Variants in CD59 observed in about 807,000 individuals in gnomAD.
CD59 encodes CD59 glycoprotein.
In CD59, 3 loss-of-function variants were observed where a neutral mutation model predicts 7.0. That is an observed-to-expected ratio of 0.43 (90% CI 0.19 to 1.10). The LOEUF (loss-of-function observed/expected upper bound fraction) is 1.10. Among genes scored for constraint, CD59 ranks in the 50% least tolerant of loss-of-function variants. The pLI is 0.29. For synonymous variants in CD59, 60 were observed against 62.0 expected (o/e 0.97, Z 0.15); for missense variants, 143 against 151.0 (o/e 0.95, Z 0.28).
chr11:33,720,678 G>C (rs946698298), intron 2 of CD59, among the ~76,000 whole-genome samples: 1 of 152,220 alleles, frequency 6.6e-6, no homozygotes, highest in Non-Finnish European at 1.5e-5. Flanking sequence ...GCAGTGAGCC[G>C]AGATCGCGCC....
rs1371361706 is a variant in CD59 at position 33,709,681 on chromosome 11, C to T, written c.*445G>A. 3.9e-6 allele frequency: 1 copy of T among 258,756 alleles called. No homozygotes were observed. The highest frequency in any genetic ancestry group is 5.0e-5 in the Admixed American group (1 of 19,806). 16.0% of individuals were successfully genotyped at this position (258,756 alleles called of 1,614,324 possible). A position where few individuals can be genotyped will look rare whatever the true frequency, so the allele number is the denominator to read the frequency against. ...AACATTTGGCATGCCTCCATGGCAA[C>T]ACGGGATCCCTGAAGTTTATGAAAG... On this transcript the variant is annotated 3_prime_UTR_variant, in exon 4 of 4. Transcript: ENST00000642928.
At chr11:33,714,382 C>A (rs1853693735) in intron 3 of CD59, among the ~76,000 whole-genome samples, 1 of 152,090 alleles carries the variant, frequency 6.6e-6, no homozygotes, top group South Asian at 2.1e-4. Context: ...AAAAATATGA[C>A]ACAAAAGATT....
intron 2 of CD59, among the ~76,000 whole-genome samples, chr11:33,721,660 C>T (rs1854068627): frequency 6.6e-6 from 1 of 152,150 alleles, no homozygotes; most frequent in Non-Finnish European, 1.5e-5. Flanking sequence ...CTCCAGCAAC[C>T]AGGGGAGGGG....
rs560607574 is a variant in CD59, at chr11:33,708,600, CAAA to C, written c.*1523_*1525del. 7 of 78,818 alleles carry C rather than the reference CAAA, an allele frequency of 8.9e-5. No individual in the cohort carries two copies. Among genetic ancestry groups the C allele is most frequent in the Admixed American group, 1.4e-4 (1 of 7,064 alleles). The allele number at this position is 78,818 out of a possible 1,614,324, so 4.9% of individuals were successfully genotyped here. A position where few individuals can be genotyped will look rare whatever the true frequency, so the allele number is the denominator to read the frequency against. On this transcript the variant is annotated 3_prime_UTR_variant, in exon 4 of 4. Coordinates refer to ENST00000642928, the MANE Select transcript of CD59 (RefSeq NM_000611.6). ...GGGCATGGTCAGTACTTCCTCAGGC[CAAA>C]AAAAAAAAAAAAAACCTATTGATGT... is the stretch of plus-strand genomic sequence containing the variant.
intron 3 of CD59, among the ~76,000 whole-genome samples, chr11:33,712,402 G>A (rs1853598519): frequency 6.6e-6 from 1 of 152,186 alleles, no homozygotes; most frequent in South Asian, 2.1e-4. Context: ...ACTGGTGAAT[G>A]GATAAACAAA....
At position 33,735,781 on chromosome 11, in the gene CD59, T is replaced by G. The variant is rs758192105; in HGVS notation, c.-19+601A>C. The stretch of plus-strand genomic sequence containing the variant: ...AAATACAAAATTTAGCCAGGCATGG[T>G]GGCGCATGCCTGTAATCCCAGCTAC... On this transcript the variant is annotated intron_variant, in intron 1 of 3. Coordinates refer to ENST00000642928, the MANE Select transcript of CD59 (RefSeq NM_000611.6). Among the ~76,000 whole-genome samples, 147 of 151,912 alleles carry G rather than the reference T, an allele frequency of 9.7e-4. 1 individual carries two copies. Among genetic ancestry groups the G allele is most frequent in the Non-Finnish European group, 1.6e-3 (106 of 67,976 alleles).
intron 3 of CD59, chr11:33,711,562 AG>A: frequency 1.7e-6 from 1 of 594,304 alleles, no homozygotes; most frequent in South Asian, 2.0e-5. Context: ...CTTTAGTCTT[AG>A]CTACTTGGGA....
intron 1 of CD59, among the ~76,000 whole-genome samples, chr11:33,735,662 A>C (rs1854546598): frequency 1.3e-5 from 2 of 152,312 alleles, no homozygotes; most frequent in South Asian, 4.1e-4. Flanking sequence ...TCACACCTGT[A>C]ATCCCAACAC....
At position 33,710,264 on chromosome 11, in the gene CD59, C is replaced by T; in HGVS notation, c.249G>A (p.Glu83=). The T allele has an allele frequency of 6.2e-7, 1 of 1,614,190 alleles. No individual in the cohort carries two copies. Among genetic ancestry groups the T allele is most frequent in the Non-Finnish European group, 8.5e-7 (1 of 1,180,016 alleles). The stretch of plus-strand genomic sequence containing the variant: ...CCTTCTTGCAGCAGTAGTACGTTAG[C>T]TCATTTTCCCTCAAGCGGGTTGTGA... ...NDVTTRLREN[E]LTYYCCKKDL... The change falls in exon 4 of 4, where the codon GAG becomes GAA. Residue 83 remains glutamate, a synonymous_variant. Transcript: ENST00000642928.
intron 1 of CD59, among the ~76,000 whole-genome samples, chr11:33,734,492 G>GC (rs752859175): frequency 2.8e-4 from 42 of 152,134 alleles, no homozygotes; most frequent in Non-Finnish European, 5.4e-4. Flanking sequence ...GCCGACAGGC[G>GC]CCAGTGTGTG....
At chr11:33,723,312 T>C (rs1428037610) in intron 1 of CD59, among the ~76,000 whole-genome samples, 1 of 152,164 alleles carries the variant, frequency 6.6e-6, no homozygotes, top group African/African-American at 2.4e-5. Flanking sequence ...GGGTGAGTCA[T>C]CTACCCTCCC....
At chr11:33,735,870 C>G (rs4142962) in intron 1 of CD59, among the ~76,000 whole-genome samples, 2 of 151,438 alleles carry the variant, frequency 1.3e-5, no homozygotes, top group Admixed American at 1.3e-4. Context: ...GAACCCAGAT[C>G]GCGCCACTGC....
chr11:33,716,530 C>T (rs185355111), intron 3 of CD59, among the ~76,000 whole-genome samples: 53 of 152,310 alleles, frequency 3.5e-4, no homozygotes, highest in African/African-American at 1.2e-3. Context: ...TGCCATTCCT[C>T]GCTGGCATCA....
intron 1 of CD59, among the ~76,000 whole-genome samples, chr11:33,729,311 G>A (rs1455207463): frequency 6.6e-6 from 1 of 152,156 alleles, no homozygotes; most frequent in East Asian, 1.9e-4. Context: ...ATACACCATG[G>A]AATACTATGA....
chr11:33,711,445 A>G (rs1025340712), intron 3 of CD59: 3 of 699,120 alleles, frequency 4.3e-6, no homozygotes, highest in East Asian at 5.4e-5. Flanking sequence ...CCAGCACTTT[A>G]GGAGGCTGAA....
intron 2 of CD59, among the ~76,000 whole-genome samples, chr11:33,720,985 G>T (rs1036201488): frequency 3.9e-5 from 6 of 152,200 alleles, no homozygotes; most frequent in Admixed American, 6.5e-5. Context: ...CAGAGAAGCT[G>T]ATGGTCCCAA....
At chr11:33,712,418 A>G (rs147782722) in intron 3 of CD59, among the ~76,000 whole-genome samples, 5 of 152,366 alleles carry the variant, frequency 3.3e-5, no homozygotes, top group African/African-American at 1.2e-4. Context: ...ACAAAATGTG[A>G]TATATCCACA....
chr11:33,724,978 T>C (rs1253662422), intron 1 of CD59, among the ~76,000 whole-genome samples: 1 of 151,940 alleles, frequency 6.6e-6, no homozygotes, highest in Non-Finnish European at 1.5e-5. Flanking sequence ...TGTATGTGTA[T>C]GGGGGGCGGA....
chr11:33,718,374 T>C (rs1326144288), intron 2 of CD59: 1 of 152,174 alleles, frequency 6.6e-6, no homozygotes, highest in Non-Finnish European at 1.5e-5. Context: ...TCCCAGCTAC[T>C]TGGGAGGCTG....
Sources: gnomAD v4.1 joint callset for allele counts (sites outside exome capture counted in the v4.1 genomes callset) on GRCh38, gnomAD v4.1.1 for gene constraint, MANE v1.5 for transcripts, NCBI Gene and HGNC (gene_info 2026-07-23, HGNC 2026-07-21) for gene names.